PCCA: variants seen among roughly 807,000 people sequenced by gnomAD.
PCCA encodes the protein propionyl-CoA carboxylase subunit alpha, also known as propionyl-CoA carboxylase alpha chain, mitochondrial.
Under a neutral mutation model 101.3 loss-of-function variants are expected in PCCA, and 74 were observed. The observed-to-expected ratio is 0.73, with a 90% CI of 0.61 to 0.89. The LOEUF is 0.89. Ranked by LOEUF, PCCA falls within the 40% of genes least tolerant of loss-of-function variation. PCCA has a pLI of 0.00. For missense variants in PCCA, 891 were observed against 907.0 expected, an observed-to-expected ratio of 0.98 and a Z score of 0.23; for synonymous variants, 294 against 313.6, an observed-to-expected ratio of 0.94 and a Z score of 0.66.
chr13:100,297,759 G>T (rs2065668350), intron 12 of PCCA, among the ~76,000 whole-genome samples: 1 of 152,248 alleles, frequency 6.6e-6, no homozygotes, highest in East Asian at 1.9e-4. Context: ...GGCATGAGAT[G>T]TTATAAGGCA....
chr13:100,235,799 G>A (rs1363187360), intron 7 of PCCA, 43 bp from the exon 8 acceptor site: 3 of 1,425,666 alleles, frequency 2.1e-6, no homozygotes, highest in Non-Finnish European at 3.0e-6. Flanking sequence ...ATTGTGCAAT[G>A]CCTCATGGGA....
intron 20 of PCCA, among the ~76,000 whole-genome samples, chr13:100,430,053 A>G (rs1485171370): frequency 6.6e-6 from 1 of 151,992 alleles, no homozygotes; most frequent in Admixed American, 6.6e-5. Flanking sequence ...AAGCAGGCAG[A>G]TCACCTGAGG....
At chr13:100,348,229 T>C (rs928842816) in intron 18 of PCCA, among the ~76,000 whole-genome samples, 1 of 152,218 alleles carries the variant, frequency 6.6e-6, no homozygotes, top group Non-Finnish European at 1.5e-5. Context: ...CTGCTGATCT[T>C]ATTTTCCCAA....
chr13:100,129,941 C>T (rs982860454), intron 4 of PCCA, among the ~76,000 whole-genome samples: 18 of 152,124 alleles, frequency 1.2e-4, no homozygotes, highest in Non-Finnish European at 2.2e-4. Context: ...GAAATGTTTA[C>T]CATTTATTTC....
intron 8 of PCCA, among the ~76,000 whole-genome samples, chr13:100,250,979 G>T (rs1397108952): frequency 2.6e-5 from 4 of 152,116 alleles, no homozygotes; most frequent in Non-Finnish European, 5.9e-5. Flanking sequence ...ACCCATGAAA[G>T]ATGTAGGCAG....
intron 19 of PCCA, among the ~76,000 whole-genome samples, chr13:100,409,641 G>A (rs1045020141): frequency 2.6e-5 from 4 of 152,186 alleles, no homozygotes; most frequent in East Asian, 1.9e-4. Context: ...CACCATGATC[G>A]GAACACCTCC....
intron 19 of PCCA, among the ~76,000 whole-genome samples, chr13:100,406,279 C>G (rs571669197): frequency 6.6e-6 from 1 of 152,310 alleles, no homozygotes; most frequent in East Asian, 1.9e-4. Context: ...ATGCAAACAA[C>G]TATTTTGTCA....
Position 100,340,139 on chromosome 13 carries a change from T to C in PCCA, c.1541-18T>C, listed in dbSNP as rs2071081053. On this transcript the variant is annotated intron_variant, in intron 17 of 23. Coordinates refer to ENST00000376285, the MANE Select transcript of PCCA (RefSeq NM_000282.4). ...AATAAATGATTGATTGATTGATTGG[T>C]TGATTGATTTCCCTCAGGACACATG... The C allele has an allele frequency of 2.4e-6, 3 of 1,235,466 alleles. No individual in the cohort carries two copies. Among genetic ancestry groups the C allele is most frequent in the Non-Finnish European group, 3.6e-6 (3 of 834,200 alleles). The allele number at this position is 1,235,466 out of a possible 1,614,324, so 76.5% of individuals were successfully genotyped here.
intron 20 of PCCA, among the ~76,000 whole-genome samples, chr13:100,438,866 C>T (rs1254526516): frequency 6.6e-6 from 1 of 152,166 alleles, no homozygotes; most frequent in African/African-American, 2.4e-5. Flanking sequence ...GTCATTTCAA[C>T]ATGAAAGACT....
chr13:100,446,424 C>G (rs898522518), intron 20 of PCCA, among the ~76,000 whole-genome samples: 1 of 152,224 alleles, frequency 6.6e-6, no homozygotes, highest in African/African-American at 2.4e-5. Flanking sequence ...GGTCTGTCCT[C>G]TTATCCCATA....
intron 19 of PCCA, among the ~76,000 whole-genome samples, chr13:100,420,957 A>G (rs1426447577): frequency 2.0e-5 from 3 of 152,180 alleles, no homozygotes; most frequent in South Asian, 2.1e-4. Flanking sequence ...CTGTAATCCC[A>G]GTACTTTGGG....
At chr13:100,309,939 T>C (rs1207263641) in intron 16 of PCCA, 31 bp downstream of exon 16, 2 of 1,476,862 alleles carry the variant, frequency 1.4e-6, no homozygotes, top group African/African-American at 1.4e-5. Flanking sequence ...TCGTTGGTTA[T>C]TGTATATGGT....
chr13:100,472,025 G>A (rs533304779), intron 21 of PCCA, among the ~76,000 whole-genome samples: 7 of 152,316 alleles, frequency 4.6e-5, no homozygotes, highest in African/African-American at 1.7e-4. Flanking sequence ...AAAACTTAAA[G>A]GAAGGGTCTT....
At chr13:100,517,046 C>T (rs899682826) in intron 22 of PCCA, among the ~76,000 whole-genome samples, 39 of 132,988 alleles carry the variant, frequency 2.9e-4, no homozygotes, top group Non-Finnish European at 3.6e-4. Flanking sequence ...ATTATAAAAT[C>T]GTGTGTGTGT....
intron 19 of PCCA, among the ~76,000 whole-genome samples, chr13:100,400,750 T>G (rs1164639166): frequency 6.6e-6 from 1 of 150,626 alleles, no homozygotes; most frequent in African/African-American, 2.5e-5. Context: ...CTCAGCCCCC[T>G]GAGTAGCTGG....
intron 19 of PCCA, among the ~76,000 whole-genome samples, chr13:100,379,504 T>C (rs1015806728): frequency 1.3e-5 from 2 of 152,220 alleles, no homozygotes; most frequent in African/African-American, 4.8e-5. Flanking sequence ...TATTTGTGAA[T>C]TGAAAAACTT....
intron 20 of PCCA, among the ~76,000 whole-genome samples, chr13:100,435,876 TCTA>T (rs1425353895): frequency 6.6e-6 from 1 of 152,082 alleles, no homozygotes; most frequent in Non-Finnish European, 1.5e-5. Flanking sequence ...AAACCCCGTC[TCTA>T]CTAAAAATAC....
At position 100,089,132 on chromosome 13, in the gene PCCA, C is replaced by T. The variant is rs759257021; in HGVS notation, c.12C>T (p.Phe4=). MAG[F]WVGTAPLVAA... is the part of the protein sequence containing the mutation. ...CTGCGGGGACAACAATGGCGGGGTT[C>T]TGGGTCGGGACAGCACCGCTGGTCG... The change falls in exon 1 of 24, where the codon TTC becomes TTT. Residue 4 remains phenylalanine (F), a synonymous_variant. Transcript: ENST00000376285. 4.6e-6 allele frequency: 7 copies of T among 1,506,174 alleles called. No homozygotes were observed. The highest frequency in any genetic ancestry group is 2.9e-5 in the African/African-American group (2 of 70,012). 93.3% of individuals were successfully genotyped at this position (1,506,174 alleles called of 1,614,324 possible).
intron 1 of PCCA, among the ~76,000 whole-genome samples, chr13:100,090,473 G>A (rs911792911): frequency 6.6e-6 from 1 of 152,150 alleles, no homozygotes; most frequent in Non-Finnish European, 1.5e-5. Context: ...AGGCGCATGA[G>A]GCTTTGTATA....
Sources: allele counts gnomAD v4.1 joint callset (sites outside exome capture counted in the v4.1 genomes callset), GRCh38; gene constraint gnomAD v4.1.1; transcripts MANE v1.5; gene names NCBI Gene and HGNC (gene_info 2026-07-23, HGNC 2026-07-21).